Variants in GBE1 observed in about 807,000 individuals in gnomAD.
GBE1 encodes the protein 1,4-alpha-glucan-branching enzyme.
GBE1 carries 70 observed loss-of-function variants against 88.8 expected under a neutral mutation model. The observed-to-expected ratio is 0.79, with a 90% CI of 0.65 to 0.96. GBE1 has a LOEUF of 0.96. GBE1 is among the 40% of genes least tolerant of loss of function. The pLI, the probability that GBE1 is intolerant of heterozygous loss-of-function variation, is 0.00. For synonymous variants in GBE1, 284 were observed against 300.1 expected, an observed-to-expected ratio of 0.95 and a Z score of 0.56; for missense variants, 872 against 871.0, an observed-to-expected ratio of 1.00 and a Z score of -0.01.
At chr3:81,690,593 T>C (rs1232674596) in intron 2 of GBE1, among the ~76,000 whole-genome samples, 1 of 152,216 alleles carries the variant, frequency 6.6e-6, no homozygotes, top group African/African-American at 2.4e-5. Flanking sequence ...GCTAATCAAT[T>C]AATTGGGATA....
intron 3 of GBE1, among the ~76,000 whole-genome samples, chr3:81,662,086 G>A (rs1419311488): frequency 6.6e-6 from 1 of 152,092 alleles, no homozygotes; most frequent in Non-Finnish European, 1.5e-5. Flanking sequence ...AGGCTGGAGT[G>A]CAATGGCACA....
intron 14 of GBE1, among the ~76,000 whole-genome samples, chr3:81,513,669 AT>A (rs1321753811): frequency 6.6e-6 from 1 of 151,748 alleles, no homozygotes; most frequent in Non-Finnish European, 1.5e-5. Flanking sequence ...CATTTTTATT[AT>A]AAAGTTTCTA....
intron 12 of GBE1, among the ~76,000 whole-genome samples, chr3:81,543,899 G>A (rs1703172146): frequency 6.6e-6 from 1 of 151,980 alleles, no homozygotes; most frequent in African/African-American, 2.4e-5. Context: ...GAATATGATA[G>A]GTACACATAT....
chr3:81,739,699 G>T (rs1258135531), intron 1 of GBE1, among the ~76,000 whole-genome samples: 1 of 152,048 alleles, frequency 6.6e-6, no homozygotes, highest in Admixed American at 6.6e-5. Flanking sequence ...TTTATTGAGA[G>T]GTTTCATTAC....
chr3:81,648,276 T>C (rs558389742), intron 5 of GBE1, among the ~76,000 whole-genome samples: 6 of 152,250 alleles, frequency 3.9e-5, no homozygotes, highest in Non-Finnish European at 8.8e-5. Context: ...AACAACAGAT[T>C]TAAAGCACAC....
chr3:81,612,000 A>C (rs1389047714), intron 7 of GBE1, among the ~76,000 whole-genome samples: 2 of 152,144 alleles, frequency 1.3e-5, no homozygotes, highest in East Asian at 3.8e-4. Flanking sequence ...CATCATGCCT[A>C]GTAAAAGCAA....
chr3:81,543,545 A>G (rs1457720464), intron 12 of GBE1, among the ~76,000 whole-genome samples: 3 of 152,156 alleles, frequency 2.0e-5, no homozygotes, highest in Non-Finnish European at 4.4e-5. Context: ...AATGCCTGTT[A>G]GTATCTTCCA....
chr3:81,610,244 C>A (rs1449697657), intron 7 of GBE1, among the ~76,000 whole-genome samples: 1 of 152,190 alleles, frequency 6.6e-6, no homozygotes. Context: ...AAGGATACAA[C>A]CCCTTGACCT....
intron 1 of GBE1, among the ~76,000 whole-genome samples, chr3:81,750,644 T>TATATATATAC (rs1491188517): frequency 3.9e-5 from 2 of 50,916 alleles, no homozygotes; most frequent in Non-Finnish European, 6.1e-5. Context: ...TATATATATA[T>TATATATATAC]GTATATATAT....
At position 81,490,174 on chromosome 3, in the gene GBE1, T is replaced by A. The variant is rs1333773466; in HGVS notation, c.*233A>T. ...AACACTTCCATTTGAGAATCCTAGC[T>A]GCTAAGATGACTTGAAAATATGGTC... On this transcript the variant is annotated 3_prime_UTR_variant, in exon 16 of 16. Coordinates refer to ENST00000429644, the MANE Select transcript of GBE1 (RefSeq NM_000158.4). 1 of 507,018 alleles carries A rather than the reference T, an allele frequency of 2.0e-6. No homozygotes were observed. The highest frequency in any genetic ancestry group is 3.4e-6 in the Non-Finnish European group (1 of 290,266). 31.4% of individuals were successfully genotyped at this position (507,018 alleles called of 1,614,324 possible).
chr3:81,629,049 C>CT (rs1260097889), intron 7 of GBE1, among the ~76,000 whole-genome samples: 4 of 89,224 alleles, frequency 4.5e-5, no homozygotes, highest in South Asian at 3.5e-4. Context: ...TTATTATACT[C>CT]TAAGTTTTAG....
chr3:81,685,782 G>A (rs1705428728), intron 2 of GBE1, among the ~76,000 whole-genome samples: 1 of 152,058 alleles, frequency 6.6e-6, no homozygotes, highest in Non-Finnish European at 1.5e-5. Flanking sequence ...CAAATAGGAT[G>A]AATTGATGCA....
chr3:81,527,569 C>T (rs1016677036), intron 14 of GBE1, among the ~76,000 whole-genome samples: 6 of 152,118 alleles, frequency 3.9e-5, no homozygotes, highest in Non-Finnish European at 5.9e-5. Context: ...TATGAACAGA[C>T]ACTTCTCAAA....
chr3:81,748,545 A>G (rs1049194960), intron 1 of GBE1, among the ~76,000 whole-genome samples: 1 of 152,036 alleles, frequency 6.6e-6, no homozygotes, highest in African/African-American at 2.4e-5. Context: ...CGGGAGGCGG[A>G]GCTTGCAGTG....
intron 6 of GBE1, 99 bp downstream of exon 6, chr3:81,646,293 A>T: frequency 1.3e-6 from 1 of 777,944 alleles, no homozygotes; most frequent in Non-Finnish European, 2.2e-6. Context: ...TGTTAACCCT[A>T]AAAGGTTACA....
At chr3:81,515,891 C>G (rs1031271877) in intron 14 of GBE1, among the ~76,000 whole-genome samples, 1 of 151,552 alleles carries the variant, frequency 6.6e-6, no homozygotes, top group African/African-American at 2.4e-5. Flanking sequence ...TAGCTCTCTT[C>G]AATTCTATGA....
At chr3:81,639,370 G>C (rs1704637884) in intron 7 of GBE1, among the ~76,000 whole-genome samples, 1 of 151,348 alleles carries the variant, frequency 6.6e-6, no homozygotes, top group Non-Finnish European at 1.5e-5. Context: ...GGCTATTTCA[G>C]ACATAACTCT....
At chr3:81,661,393 C>T (rs1487485206) in intron 3 of GBE1, among the ~76,000 whole-genome samples, 1 of 152,052 alleles carries the variant, frequency 6.6e-6, no homozygotes. Context: ...TTCATTTGTA[C>T]AAGCATTAAA....
chr3:81,592,561 G>A (rs1233005642), intron 8 of GBE1, among the ~76,000 whole-genome samples: 2 of 151,994 alleles, frequency 1.3e-5, no homozygotes, highest in African/African-American at 2.4e-5. Context: ...TCTGCTGTGC[G>A]GTTTCAGGGA....
Sources: allele counts gnomAD v4.1 joint callset (sites outside exome capture counted in the v4.1 genomes callset), GRCh38; gene constraint gnomAD v4.1.1; transcripts MANE v1.5; gene names NCBI Gene and HGNC (gene_info 2026-07-23, HGNC 2026-07-21).